ALDH7A1: variants seen among roughly 807,000 people sequenced by gnomAD.
The protein encoded by ALDH7A1 is alpha-aminoadipic semialdehyde dehydrogenase.
ALDH7A1 carries 63 observed loss-of-function variants against 79.9 expected under a neutral mutation model. That is an observed-to-expected ratio of 0.79 (90% confidence interval 0.64 to 0.97). The LOEUF (loss-of-function observed/expected upper bound fraction) is 0.97, where lower values mean the gene tolerates loss of function less well. ALDH7A1 is among the 50% of genes least tolerant of loss of function. The pLI, the probability that ALDH7A1 is intolerant of heterozygous loss-of-function variation, is 0.00. For synonymous variants in ALDH7A1, 240 were observed against 231.2 expected (o/e 1.04, Z -0.34); for missense variants, 627 against 665.2 (o/e 0.94, Z 0.63).
At chr5:126,571,150 ATTTTT>A (rs386404930) in intron 7 of ALDH7A1, 789 of 221,250 alleles carry the variant, frequency 3.6e-3, no homozygotes, top group South Asian at 7.8e-3. Flanking sequence ...CTATTAGCAG[ATTTTT>A]TTTTTTTTTT....
intron 10 of ALDH7A1, 104 bp downstream of exon 10, chr5:126,560,979 T>C (rs1750381994): frequency 7.8e-7 from 1 of 1,279,638 alleles, no homozygotes; most frequent in South Asian, 1.2e-5. Context: ...GTCTCAGGCA[T>C]ATGCAACATG....
chr5:126,584,200 T>C (rs1288901461), intron 3 of ALDH7A1, among the ~76,000 whole-genome samples, 188 bp from the exon 4 acceptor site: 1 of 152,120 alleles, frequency 6.6e-6, no homozygotes. Context: ...GGAGCAAATA[T>C]CTACTGGAAG....
intron 9 of ALDH7A1, among the ~76,000 whole-genome samples, chr5:126,563,462 T>G (rs1181018590): frequency 1.3e-5 from 2 of 152,210 alleles, no homozygotes; most frequent in Non-Finnish European, 2.9e-5. Flanking sequence ...CCAACCTATA[T>G]TCTAGAAAAG....
chr5:126,584,099 A>C (rs1200914192), intron 3 of ALDH7A1, 87 bp from the exon 4 acceptor site: 1 of 1,130,250 alleles, frequency 8.8e-7, no homozygotes, highest in Non-Finnish European at 1.3e-6. Context: ...GTAAAAGAAC[A>C]AATTACAATC....
intron 4 of ALDH7A1, 81 bp downstream of exon 4, chr5:126,583,851 C>A: frequency 8.1e-7 from 1 of 1,240,430 alleles, no homozygotes; most frequent in Non-Finnish European, 1.2e-6. Context: ...AAAAAAAAAC[C>A]TCACAATTTT....
intron 3 of ALDH7A1, among the ~76,000 whole-genome samples, chr5:126,589,639 C>A (rs544838778): frequency 3.9e-5 from 6 of 152,236 alleles, no homozygotes; most frequent in East Asian, 3.9e-4. Flanking sequence ...ATTAGCCAGG[C>A]CTGCCACTCC....
At chr5:126,587,753 T>C (rs1313534732) in intron 3 of ALDH7A1, 1 of 151,828 alleles carries the variant, frequency 6.6e-6, no homozygotes, top group Non-Finnish European at 1.5e-5. Context: ...AAGCCTCACG[T>C]GAGGGAGGAT....
At chr5:126,589,181 G>C (rs1156385659) in intron 3 of ALDH7A1, 1 of 151,462 alleles carries the variant, frequency 6.6e-6, no homozygotes, top group Non-Finnish European at 1.5e-5. Flanking sequence ...CTTTGAGACA[G>C]AGTTTTGCTC....
At chr5:126,559,410 T>A in intron 10 of ALDH7A1, 76 bp from the exon 11 acceptor site, 1 of 1,106,740 alleles carries the variant, frequency 9.0e-7, no homozygotes, top group Non-Finnish European at 1.3e-6. Context: ...TATAAAACAA[T>A]GTTGTTTTTT....
chr5:126,554,371 G>A lies in ALDH7A1; in HGVS notation c.1116C>T (p.Leu372=). The A allele has an allele frequency of 1.2e-6, 2 of 1,614,098 alleles. No individual in the cohort carries two copies. Among genetic ancestry groups the A allele is most frequent in the Non-Finnish European group, 1.7e-6 (2 of 1,180,006 alleles). The change falls in exon 13 of 18, where the codon CTC becomes CTT. Residue 372 remains leucine, a synonymous_variant. Transcript: ENST00000409134. ...PWDPNVLYGP[L]HTKQAVSMFL... ...ACATGCTCACTGCCTGCTTGGTGTG[G>A]AGTGGCCCATAGAGAACATTAGCTG... is the stretch of plus-strand genomic sequence containing the variant.
chr5:126,556,580 T>C (rs1750203023), intron 11 of ALDH7A1, among the ~76,000 whole-genome samples: 1 of 152,146 alleles, frequency 6.6e-6, no homozygotes, highest in Admixed American at 6.6e-5. Context: ...CAAGGATGTA[T>C]TTGTCTAAGC....
chr5:126,583,267 G>A (rs1262348252), intron 4 of ALDH7A1, among the ~76,000 whole-genome samples: 2 of 151,982 alleles, frequency 1.3e-5, no homozygotes, highest in African/African-American at 4.8e-5. Flanking sequence ...GATCACCTGA[G>A]GTCAGGAGTT....
chr5:126,560,954 A>C (rs770259107), intron 10 of ALDH7A1, 129 bp downstream of exon 10: 3 of 1,020,672 alleles, frequency 2.9e-6, no homozygotes, highest in Non-Finnish European at 4.5e-6. Flanking sequence ...TAAAATTCCT[A>C]AACACAGGAA....
chr5:126,561,167 C>G lies in ALDH7A1; in HGVS notation c.872-43G>C, dbSNP rs776902689. The G allele has an allele frequency of 6.1e-6, 9 of 1,478,782 alleles. No homozygotes were observed. In the East Asian group the frequency reaches 2.2e-4, roughly 36 times the overall value. The allele number at this position is 1,478,782 out of a possible 1,614,324, so 91.6% of individuals were successfully genotyped here. A position where few individuals can be genotyped will look rare whatever the true frequency, so the allele number is the denominator to read the frequency against. ...ATATATAAAAATTAATGCCTACTTC[C>G]ATATTTACTGCACACTGCTACACAG... On this transcript the variant is annotated intron_variant, in intron 9 of 17. Transcript: ENST00000409134.
At chr5:126,578,045 G>A (rs745481750) in intron 5 of ALDH7A1, among the ~76,000 whole-genome samples, 41 of 151,696 alleles carry the variant, frequency 2.7e-4, no homozygotes, top group Non-Finnish European at 4.6e-4. Flanking sequence ...AGCACTTTGG[G>A]AGGCCAAGGC....
intron 16 of ALDH7A1, among the ~76,000 whole-genome samples, chr5:126,547,595 T>C (rs1023432077): frequency 6.6e-6 from 1 of 152,184 alleles, no homozygotes; most frequent in Non-Finnish European, 1.5e-5. Flanking sequence ...TTCTACTTTC[T>C]CCTACTAGTT....
Position 126,542,385 on chromosome 5 carries a change from T to C in ALDH7A1, c.*2580A>G, listed in dbSNP as rs1749635486. The C allele has an allele frequency of 6.6e-6, 1 of 152,158 alleles. No homozygotes were observed. The highest frequency in any genetic ancestry group is 1.5e-5 in the Non-Finnish European group (1 of 68,074). 9.4% of individuals were successfully genotyped at this position (152,158 alleles called of 1,614,324 possible). A position where few individuals can be genotyped will look rare whatever the true frequency, so the allele number is the denominator to read the frequency against. ...TGCCACAGAGAATTTTCCACAGAGCTGGGCATGGTGGCACACTCCTGTAAT... is the reference window on the plus strand; with the variant it reads ...TGCCACAGAGAATTTTCCACAGAGCCGGGCATGGTGGCACACTCCTGTAAT... On this transcript the variant is annotated 3_prime_UTR_variant, in exon 18 of 18. Coordinates refer to ENST00000409134, the MANE Select transcript of ALDH7A1 (RefSeq NM_001182.5).
intron 4 of ALDH7A1, 133 bp downstream of exon 4, chr5:126,583,799 C>T: frequency 5.6e-6 from 4 of 718,322 alleles, no homozygotes; most frequent in Non-Finnish European, 9.5e-6. Flanking sequence ...AAGATTTTAC[C>T]ACTGCACTCC....
At chr5:126,568,117 C>T in intron 9 of ALDH7A1, 142 bp downstream of exon 9, 3 of 765,564 alleles carry the variant, frequency 3.9e-6, no homozygotes, top group Admixed American at 4.0e-5. Flanking sequence ...AATAACTGTA[C>T]CCTTTTCTTT....
Sources: allele counts gnomAD v4.1 joint callset (sites outside exome capture counted in the v4.1 genomes callset), GRCh38; gene constraint gnomAD v4.1.1; transcripts MANE v1.5; gene names NCBI Gene and HGNC (gene_info 2026-07-23, HGNC 2026-07-21).